The following WARS2 variants were observed in gnomAD, a reference collection of about 807,000 sequenced individuals.
WARS2 encodes tryptophan--tRNA ligase, mitochondrial.
Under a neutral mutation model 36.5 loss-of-function variants are expected in WARS2, and 28 were observed. That is an observed-to-expected ratio of 0.77 (90% CI 0.57 to 1.05). The LOEUF (loss-of-function observed/expected upper bound fraction) is 1.05, where lower values mean the gene tolerates loss of function less well. Ranked by LOEUF, WARS2 falls within the 50% of genes least tolerant of loss-of-function variation. The pLI is 0.00. For synonymous variants in WARS2, 174 were observed against 178.4 expected, an observed-to-expected ratio of 0.98 and a Z score of 0.20; for missense variants, 435 against 456.8, an observed-to-expected ratio of 0.95 and a Z score of 0.44.
At chr1:119,071,618 G>A (rs780669676) in intron 2 of WARS2, among the ~76,000 whole-genome samples, 1 of 152,088 alleles carries the variant, frequency 6.6e-6, no homozygotes, top group Non-Finnish European at 1.5e-5. Context: ...ATAAGCTCAC[G>A]TACATGTGAA....
intron 1 of WARS2, among the ~76,000 whole-genome samples, chr1:119,090,907 G>A (rs994180136): frequency 2.0e-5 from 3 of 151,872 alleles, no homozygotes; most frequent in South Asian, 2.1e-4. Flanking sequence ...AAGAAAAATC[G>A]GCCTAGTTTT....
chr1:119,037,588 C>A (rs561480995), intron 4 of WARS2, among the ~76,000 whole-genome samples: 1 of 152,234 alleles, frequency 6.6e-6, no homozygotes, highest in South Asian at 2.1e-4. Flanking sequence ...TGAAGACCCA[C>A]GATGTGAAAG....
At chr1:119,087,571 A>G (rs185035992) in intron 1 of WARS2, among the ~76,000 whole-genome samples, 2 of 152,294 alleles carry the variant, frequency 1.3e-5, no homozygotes, top group East Asian at 3.9e-4. Flanking sequence ...GCATCCATAA[A>G]ATTGTTTCTG....
chr1:119,140,356 G>T lies in WARS2; in HGVS notation c.90+199C>A, dbSNP rs769435723. 1.4e-5 allele frequency: 6 copies of T among 425,786 alleles called. No individual in the cohort carries two copies. The East Asian group carries it at 2.2e-4, about 16-fold the overall frequency. 26.4% of individuals were successfully genotyped at this position (425,786 alleles called of 1,614,324 possible). ...GAAAGCGGCGCGCTTTTTCCACCAA[G>T]AAACCTTTACGTCATCACGTATCCT... On this transcript the variant is annotated intron_variant, in intron 1 of 5. Coordinates refer to ENST00000235521, the MANE Select transcript of WARS2 (RefSeq NM_015836.4).
intron 1 of WARS2, among the ~76,000 whole-genome samples, chr1:119,100,075 T>A (rs1444663298): frequency 6.6e-6 from 1 of 152,062 alleles, no homozygotes; most frequent in Non-Finnish European, 1.5e-5. Context: ...ATACCCAGAA[T>A]ATACAAGGAA....
Position 119,077,081 on chromosome 1 carries a change from T to C in WARS2, c.91-474A>G, listed in dbSNP as rs1204090739. On this transcript the variant is annotated intron_variant, in intron 1 of 5. Transcript: ENST00000235521. The stretch of plus-strand genomic sequence containing the variant: ...TGAACCTGGGAGGTGGAGGCTGCAG[T>C]GAGCCAAGATTGCACCACTGCACTC... Among the ~76,000 whole-genome samples, 3 of 131,240 alleles carry C rather than the reference T, an allele frequency of 2.3e-5. No individual in the cohort carries two copies. In the East Asian group the frequency reaches 6.9e-4, roughly 30 times the overall value. 86.1% of individuals were successfully genotyped at this position (131,240 alleles called of 152,430 possible).
At chr1:119,131,508 G>A (rs587668424) in intron 1 of WARS2, among the ~76,000 whole-genome samples, 1 of 149,056 alleles carries the variant, frequency 6.7e-6, no homozygotes, top group Admixed American at 6.7e-5. Context: ...TGTCACCCAG[G>A]CTGGAGTGCA....
Position 119,033,174 on chromosome 1 carries a change from TG to T in WARS2, c.819del (p.Asn274ThrfsTer2). The T allele has an allele frequency of 6.2e-7, 1 of 1,614,216 alleles. No homozygotes were observed. The highest frequency in any genetic ancestry group is 8.5e-7 in the Non-Finnish European group (1 of 1,180,044). On this transcript the variant is annotated frameshift_variant, in exon 6 of 6. Transcript: ENST00000235521. LOFTEE classifies it high-confidence loss of function. ...TYDPAGRAGVSNIVAVHAAVT... is the reference protein window; with the variant it reads ...TYDPAGRAGVXNIVAVHAAVT... ...ACCGCGGCATGCACCGCCACTATGT[TG>T]GACACGCCAGCGCGGCCAGCCGGGT...
At chr1:119,058,555 G>A (rs1280997879) in intron 2 of WARS2, among the ~76,000 whole-genome samples, 1 of 127,328 alleles carries the variant, frequency 7.9e-6, no homozygotes, top group African/African-American at 3.5e-5. Context: ...GAGAATATGC[G>A]GTGTTTGGTT....
At chr1:119,078,358 A>G (rs1651900671) in intron 1 of WARS2, among the ~76,000 whole-genome samples, 1 of 152,220 alleles carries the variant, frequency 6.6e-6, no homozygotes, top group Non-Finnish European at 1.5e-5. Flanking sequence ...GTATATATCT[A>G]GGAGTAGAAT....
In WARS2 at chr1:119,032,995, C is replaced by T; in HGVS notation, c.999G>A (p.Lys333=). Residue 333 remains lysine, a synonymous_variant, in exon 6 of 6, where the codon AAG becomes AAA. Coordinates refer to ENST00000235521, the MANE Select transcript of WARS2 (RefSeq NM_015836.4). ...KLKLDKDHLE[K]VLQIGSAKAK... Reference sequence around the variant, plus strand: ...CTTTTGCTGATCCAATTTGTAAAACCTTCTCTAAATGGTCCTTGTCCAGCT... The same window carrying T: ...CTTTTGCTGATCCAATTTGTAAAACTTTCTCTAAATGGTCCTTGTCCAGCT... 1 of 1,614,208 alleles carries T rather than the reference C, an allele frequency of 6.2e-7. No individual in the cohort carries two copies. Among genetic ancestry groups the T allele is most frequent in the Non-Finnish European group, 8.5e-7 (1 of 1,180,040 alleles).
intron 1 of WARS2, among the ~76,000 whole-genome samples, chr1:119,106,399 C>T (rs976278430): frequency 1.3e-5 from 2 of 152,128 alleles, no homozygotes; most frequent in East Asian, 1.9e-4. Flanking sequence ...TATAATAACA[C>T]GTATCCCCCA....
At chr1:119,094,232 A>G (rs1160465265) in intron 1 of WARS2, among the ~76,000 whole-genome samples, 1 of 152,202 alleles carries the variant, frequency 6.6e-6, no homozygotes, top group African/African-American at 2.4e-5. Context: ...AATCTCTCAG[A>G]AAAATGTAAA....
Position 119,128,659 on chromosome 1 carries a change from T to C in WARS2, c.90+11896A>G, listed in dbSNP as rs1467194151. Among the ~76,000 whole-genome samples the C allele has an allele frequency of 6.5e-5, 9 of 139,436 alleles. No homozygotes were observed. In the East Asian group the frequency reaches 1.8e-3, roughly 28 times the overall value. 91.5% of individuals were successfully genotyped at this position (139,436 alleles called of 152,430 possible). Reference sequence around the variant, plus strand: ...CTCCCTGCAGAAAATGCAATTTAAATGGTATTCAGCTGACAGTAATCCCAT... The same window carrying C: ...CTCCCTGCAGAAAATGCAATTTAAACGGTATTCAGCTGACAGTAATCCCAT... On this transcript the variant is annotated intron_variant, in intron 1 of 5. Transcript: ENST00000235521.
At chr1:119,047,167 C>G (rs1648925260) in intron 2 of WARS2, among the ~76,000 whole-genome samples, 1 of 152,188 alleles carries the variant, frequency 6.6e-6, no homozygotes, top group Admixed American at 6.5e-5. Flanking sequence ...AAAACAGAAA[C>G]TAACCCTGGA....
At chr1:119,034,322 C>T in intron 4 of WARS2, 109 bp from the exon 5 acceptor site, 2 of 875,944 alleles carry the variant, frequency 2.3e-6, no homozygotes, top group South Asian at 3.0e-5. Context: ...TGGTATTCAA[C>T]AAATGTTCAC....
At chr1:119,110,867 G>T (rs891336826) in intron 1 of WARS2, among the ~76,000 whole-genome samples, 14 of 151,588 alleles carry the variant, frequency 9.2e-5, no homozygotes, top group Non-Finnish European at 8.8e-5. Flanking sequence ...TTCAGTTTTG[G>T]AAGTTTCTGT....
chr1:119,087,750 G>A (rs991122068), intron 1 of WARS2, among the ~76,000 whole-genome samples: 5 of 152,198 alleles, frequency 3.3e-5, no homozygotes, highest in African/African-American at 1.2e-4. Flanking sequence ...CTTTGAGGTG[G>A]AGTAACAGGT....
At chr1:119,041,692 C>G (rs2101119073) in intron 4 of WARS2, among the ~76,000 whole-genome samples, 1 of 152,304 alleles carries the variant, frequency 6.6e-6, no homozygotes, top group South Asian at 2.1e-4. Flanking sequence ...TCCATAAACA[C>G]AGAGCATTCT....
Sources: allele counts gnomAD v4.1 joint callset (sites outside exome capture counted in the v4.1 genomes callset), GRCh38; gene constraint gnomAD v4.1.1; transcripts MANE v1.5; gene names NCBI Gene and HGNC (gene_info 2026-07-23, HGNC 2026-07-21).